Variants in JAZF1 observed in about 807,000 individuals in gnomAD.
The protein encoded by JAZF1 is JAZF zinc finger 1.
JAZF1 carries 8 observed loss-of-function variants against 26.4 expected under a neutral mutation model. The ratio of observed to expected loss-of-function variants is 0.30; its 90% CI spans 0.18 to 0.55. The LOEUF is 0.55. JAZF1 is among the 20% of genes least tolerant of loss of function. The pLI is 0.94. For synonymous variants in JAZF1, 126 were observed against 122.3 expected (o/e 1.03, Z -0.20); for missense variants, 199 against 322.0 (o/e 0.62, Z 2.92).
chr7:27,992,260 A>G, intron 1 of JAZF1: 1 of 521,218 alleles, frequency 1.9e-6, no homozygotes, highest in Non-Finnish European at 3.8e-6. Context: ...ATTGGTTTTC[A>G]CTGCTTACAG....
chr7:27,843,554 A>G (rs1272602999), intron 3 of JAZF1: 6 of 152,224 alleles, frequency 3.9e-5, no homozygotes, highest in Non-Finnish European at 8.8e-5. Context: ...CTGTTGTGAA[A>G]CCAAACAAAA....
At chr7:27,856,819 T>C (rs892911740) in intron 3 of JAZF1, among the ~76,000 whole-genome samples, 4 of 152,156 alleles carry the variant, frequency 2.6e-5, no homozygotes, top group East Asian at 1.9e-4. Context: ...CCAGAGTAAC[T>C]AGATAGAGAG....
chr7:27,870,139 C>G (rs1411468004), intron 3 of JAZF1, among the ~76,000 whole-genome samples: 1 of 141,660 alleles, frequency 7.1e-6, no homozygotes, highest in Non-Finnish European at 1.5e-5. Context: ...GTTGGTCAGG[C>G]TGGTCTCGAA....
intron 3 of JAZF1, among the ~76,000 whole-genome samples, chr7:27,885,175 G>A (rs548953338): frequency 1.2e-4 from 19 of 152,296 alleles, no homozygotes; most frequent in African/African-American, 3.6e-4. Context: ...AAATGTAAAA[G>A]TACCCCAAAT....
chr7:28,121,876 T>C (rs1782610076), intron 1 of JAZF1, among the ~76,000 whole-genome samples: 1 of 152,222 alleles, frequency 6.6e-6, no homozygotes, highest in Admixed American at 6.5e-5. Context: ...GTCCCAGTCT[T>C]TTGGTTTAGC....
chr7:27,885,056 AAACTCC>A (rs1783834922), intron 3 of JAZF1, among the ~76,000 whole-genome samples: 1 of 152,218 alleles, frequency 6.6e-6, no homozygotes, highest in Admixed American at 6.5e-5. Flanking sequence ...ACTATAGTCA[AAACTCC>A]CCCGGTTCTA....
chr7:28,017,006 G>C (rs926757069), intron 1 of JAZF1, among the ~76,000 whole-genome samples: 1 of 152,160 alleles, frequency 6.6e-6, no homozygotes, highest in African/African-American at 2.4e-5. Flanking sequence ...AACAGGGGAA[G>C]GGATGAAAGT....
intron 1 of JAZF1, among the ~76,000 whole-genome samples, chr7:28,019,384 C>T (rs1782963658): frequency 1.3e-5 from 2 of 152,126 alleles, no homozygotes; most frequent in African/African-American, 4.8e-5. Context: ...TTGGATTATG[C>T]CCCTTCTCAT....
chr7:28,158,186 C>CACACACAGAGAG (rs149643430), intron 1 of JAZF1, among the ~76,000 whole-genome samples: 12 of 143,426 alleles, frequency 8.4e-5, no homozygotes, highest in South Asian at 2.3e-4. Context: ...CACACACACA[C>CACACACAGAGAG]AGAGAGAGAG....
intron 1 of JAZF1, among the ~76,000 whole-genome samples, chr7:28,048,903 A>G (rs1379660853): frequency 6.6e-6 from 1 of 152,154 alleles, no homozygotes; most frequent in Non-Finnish European, 1.5e-5. Context: ...CAGACACCAA[A>G]GGCCCCATAC....
chr7:27,900,791 G>GC (rs1219656240), intron 2 of JAZF1, among the ~76,000 whole-genome samples: 1 of 152,068 alleles, frequency 6.6e-6, no homozygotes, highest in Non-Finnish European at 1.5e-5. Context: ...TGTTTAAAAA[G>GC]TTTTTTAATT....
intron 1 of JAZF1, among the ~76,000 whole-genome samples, chr7:28,071,321 CA>C (rs949378517): frequency 2.0e-5 from 3 of 152,174 alleles, no homozygotes; most frequent in South Asian, 4.1e-4. Flanking sequence ...TGCACCAGGA[CA>C]AAGACCTAAT....
intron 1 of JAZF1, among the ~76,000 whole-genome samples, chr7:28,034,081 G>A (rs2128375504): frequency 6.6e-6 from 1 of 152,144 alleles, no homozygotes; most frequent in Middle Eastern, 3.4e-3. Context: ...TAGTCCTGGT[G>A]CATAAGAAAT....
intron 2 of JAZF1, among the ~76,000 whole-genome samples, chr7:27,912,994 G>A (rs114126779): frequency 1.3e-5 from 2 of 151,984 alleles, no homozygotes; most frequent in Admixed American, 6.5e-5. Context: ...CTCTGTGTCC[G>A]TATCGCTCCC....
chr7:27,881,528 G>A (rs1401375681), intron 3 of JAZF1, among the ~76,000 whole-genome samples: 1 of 152,150 alleles, frequency 6.6e-6, no homozygotes. Context: ...TCATCATGGT[G>A]AATTTCAGGG....
chr7:27,895,383 C>T lies in JAZF1; in HGVS notation c.222G>A (p.Glu74=), dbSNP rs1430432451. 1.2e-6 allele frequency: 2 copies of T among 1,605,296 alleles called. No individual in the cohort carries two copies. Among genetic ancestry groups the T allele is most frequent in the Middle Eastern group, 1.7e-4 (1 of 6,044 alleles). ...FMTDAARREQ[E]SLKKKIQPKL... is the part of the protein sequence containing the mutation. ...TCGGCTGAATCTTCTTCTTTAGGGA[C>T]TCCTGCTCTCGGCGGGCAGCATCTG... Residue 74 remains glutamate (E), a synonymous_variant, in exon 3 of 5, where the codon GAG becomes GAA. Transcript: ENST00000283928.
intron 1 of JAZF1, among the ~76,000 whole-genome samples, chr7:28,156,689 A>T (rs578073954): frequency 3.3e-5 from 5 of 152,316 alleles, no homozygotes; most frequent in African/African-American, 1.2e-4. Context: ...GGGCAAGAGG[A>T]CACAGTGTTG....
chr7:28,098,335 G>A (rs1373552684), intron 1 of JAZF1, among the ~76,000 whole-genome samples: 1 of 152,076 alleles, frequency 6.6e-6, no homozygotes, highest in Non-Finnish European at 1.5e-5. Context: ...CCAGAACTGT[G>A]GGAAATAAAT....
At chr7:28,054,190 G>A (rs1374773182) in intron 1 of JAZF1, among the ~76,000 whole-genome samples, 2 of 152,166 alleles carry the variant, frequency 1.3e-5, no homozygotes, top group Non-Finnish European at 2.9e-5. Flanking sequence ...ACTACTTTCA[G>A]TCATCATTCT....
Sources: gnomAD v4.1 joint callset for allele counts (sites outside exome capture counted in the v4.1 genomes callset) on GRCh38, gnomAD v4.1.1 for gene constraint, MANE v1.5 for transcripts, NCBI Gene and HGNC (gene_info 2026-07-23, HGNC 2026-07-21) for gene names.